Variants in ANO9 observed in about 807,000 individuals in gnomAD.
ANO9 encodes anoctamin-9.
A neutral mutation model predicts 100.5 loss-of-function variants in ANO9; 80 were observed. That is an observed-to-expected ratio of 0.80 (90% CI 0.66 to 0.96). The LOEUF is 0.96. Among genes scored for constraint, ANO9 ranks in the 40% least tolerant of loss-of-function variants. The pLI is 0.00. For missense variants in ANO9, 1,064 were observed against 1,072.7 expected, an observed-to-expected ratio of 0.99 and a Z score of 0.11; for synonymous variants, 473 against 435.6, an observed-to-expected ratio of 1.09 and a Z score of -1.07.
intron 1 of ANO9, among the ~76,000 whole-genome samples, chr11:441,343 G>A (rs1845855448): frequency 1.3e-5 from 2 of 152,146 alleles, no homozygotes; most frequent in South Asian, 4.1e-4. Flanking sequence ...CCCCAGAATC[G>A]GAATCCAGCA....
At chr11:420,287 G>C in intron 19 of ANO9, 176 bp downstream of exon 19, 1 of 1,437,178 alleles carries the variant, frequency 7.0e-7, no homozygotes, top group Non-Finnish European at 9.1e-7. Context: ...GCCCACTCCT[G>C]GTACCCTCCC....
chr11:420,676 G>C, intron 18 of ANO9, 42 bp downstream of exon 18: 1 of 1,598,536 alleles, frequency 6.3e-7, no homozygotes. Context: ...CCCCCGCCCC[G>C]CATTCGTCTC....
intron 15 of ANO9, among the ~76,000 whole-genome samples, chr11:427,199 A>G (rs1848567760): frequency 6.6e-6 from 1 of 151,974 alleles, no homozygotes. Flanking sequence ...AAAATACAAA[A>G]ATTAGCTGGG....
chr11:421,046 C>G lies in ANO9; in HGVS notation c.1393-4G>C, dbSNP rs149366587. On this transcript the variant is annotated splice_region_variant and splice_polypyrimidine_tract_variant and intron_variant, in intron 16 of 22. Transcript: ENST00000332826. The surrounding 1 kb of genome is among the most constrained non-coding windows in gnomAD (Gnocchi z 6.8). ...TCATGCAGCCGCTGGCGTGGCACTG[C>G]GGGGCCAGACAGGAGGAGATCAGGG... The G allele has an allele frequency of 9.4e-3, 15,059 of 1,599,774 alleles. 118 individuals carry two copies. The highest frequency in any genetic ancestry group is 0.027 in the Middle Eastern group (162 of 5,952).
At position 418,288 on chromosome 11, in the gene ANO9, C is replaced by T. The variant is rs1847961366; in HGVS notation, c.*83G>A. ...GGCACAGCCTTCTCACAGCACCCCT[C>T]AACACGCACAGCGGTGGGCTTGTGG... is the stretch of plus-strand genomic sequence containing the variant. On this transcript the variant is annotated 3_prime_UTR_variant, in exon 23 of 23. Coordinates refer to ENST00000332826, the MANE Select transcript of ANO9 (RefSeq NM_001012302.3). 7.3e-7 allele frequency: 1 copy of T among 1,365,568 alleles called. No individual in the cohort carries two copies. The highest frequency in any genetic ancestry group is 9.8e-7 in the Non-Finnish European group (1 of 1,017,800). The allele number at this position is 1,365,568 out of a possible 1,614,324, so 84.6% of individuals were successfully genotyped here.
intron 15 of ANO9, among the ~76,000 whole-genome samples, chr11:423,891 A>G (rs1370016977): frequency 1.4e-5 from 2 of 142,584 alleles, no homozygotes; most frequent in Non-Finnish European, 3.0e-5. Flanking sequence ...ATACTCACAC[A>G]CACACACACA....
Position 420,815 on chromosome 11 carries a change from C to G in ANO9, c.1536G>C (p.Gly512=). The change falls in exon 18 of 23, where the codon GGG becomes GGC. Residue 512 remains glycine, a synonymous_variant. Coordinates refer to ENST00000332826, the MANE Select transcript of ANO9 (RefSeq NM_001012302.3). Reference sequence around the variant, plus strand: ...TGAGCTCGGGGTCCCGGGGCAGGTGCCCGGACTCGGAGGCCCGCAGAGAGC... The same window carrying G: ...TGAGCTCGGGGTCCCGGGGCAGGTGGCCGGACTCGGAGGCCCGCAGAGAGC... The part of the protein sequence containing the change: ...KCRSLRASES[G]HLPRDPELRD... 6.3e-7 allele frequency: 1 copy of G among 1,593,056 alleles called. No homozygotes were observed. Among genetic ancestry groups the G allele is most frequent in the Non-Finnish European group, 8.5e-7 (1 of 1,173,342 alleles).
chr11:437,254 T>G (rs1845426449), intron 1 of ANO9, among the ~76,000 whole-genome samples: 2 of 152,226 alleles, frequency 1.3e-5, no homozygotes, highest in South Asian at 4.1e-4. Flanking sequence ...CACCCACAGC[T>G]GTGGGAAAAT....
In ANO9 at chr11:425,553, TAA is replaced by T. The variant is rs796310958; in HGVS notation, c.1334+2533_1334+2534del. On this transcript the variant is annotated intron_variant, in intron 15 of 22. Transcript: ENST00000332826. ...ACCATGATTATAAGAAACTGACAGT[TAA>T]AAAAAAAAAAAAGCAAGCAAGAAAG... Among the ~76,000 whole-genome samples the T allele has an allele frequency of 6.3e-3, 830 of 131,928 alleles. 5 individuals carry two copies. The highest frequency in any genetic ancestry group is 0.029 in the Middle Eastern group (8 of 272). 86.5% of individuals were successfully genotyped at this position (131,928 alleles called of 152,430 possible).
rs1848762893 is a variant in ANO9, at chr11:429,645, C to T, written c.840G>A (p.Val280=). 1.2e-6 allele frequency: 2 copies of T among 1,612,654 alleles called. No homozygotes were observed. Among genetic ancestry groups the T allele is most frequent in the Non-Finnish European group, 1.7e-6 (2 of 1,179,892 alleles). The change falls in exon 11 of 23, where the codon GTG becomes GTA. Residue 280 remains valine, a synonymous_variant. Transcript: ENST00000332826. ...GCTGCCGCTTCCAGATCTCCAGGAACACCGTGGCTGCGGCGGGGGCAAGGA... is the reference window on the plus strand; with the variant it reads ...GCTGCCGCTTCCAGATCTCCAGGAATACCGTGGCTGCGGCGGGGGCAAGGA... ...FAIFMALWAT[V]FLEIWKRQRA...
Position 430,394 on chromosome 11 carries a change from A to G in ANO9, c.549T>C (p.Phe183=). 8 of 1,563,270 alleles carry G rather than the reference A, an allele frequency of 5.1e-6. No homozygotes were observed. The highest frequency in any genetic ancestry group is 6.9e-6 in the Non-Finnish European group (8 of 1,151,464). The change falls in exon 8 of 23, where the codon TTT becomes TTC. Residue 183 remains phenylalanine, a synonymous_variant. Coordinates refer to ENST00000332826, the MANE Select transcript of ANO9 (RefSeq NM_001012302.3). ...EQPVDEIRNY[F]GEKVALYFVW... is the part of the protein sequence containing the mutation. ...CGAAGTACAGGGCCACCTTTTCCCC[A>G]AAGTAGTTCCTGCAGGCAGCAGGGG...
chr11:440,958 C>T (rs1459765502), intron 1 of ANO9, among the ~76,000 whole-genome samples: 1 of 152,258 alleles, frequency 6.6e-6, no homozygotes, highest in Admixed American at 6.5e-5. Flanking sequence ...TGCTGCTTCT[C>T]CCAACCCAAC....
rs1849069328 is a variant in ANO9 at position 432,212 on chromosome 11, C to CG, written c.351-159dup. ...CAGAGCCCAGAATCCACAACTCACC[C>CG]GGGAGCCCACCCCGCACCCTCCTTA... is the stretch of plus-strand genomic sequence containing the variant. On this transcript the variant is annotated intron_variant, in intron 4 of 22. Coordinates refer to ENST00000332826, the MANE Select transcript of ANO9 (RefSeq NM_001012302.3). This position sits in a 1 kb window ranked among gnomAD's most constrained non-coding sequence, Gnocchi z 4.8. 5.3e-6 allele frequency: 4 copies of CG among 756,692 alleles called. No homozygotes were observed. The highest frequency in any genetic ancestry group is 8.5e-6 in the Non-Finnish European group (4 of 468,502). The allele number at this position is 756,692 out of a possible 1,614,324, so 46.9% of individuals were successfully genotyped here. A position where few individuals can be genotyped will look rare whatever the true frequency, so the allele number is the denominator to read the frequency against.
At position 441,998 on chromosome 11, in the gene ANO9, C is replaced by T; in HGVS notation, c.-72G>A. 2 of 1,572,986 alleles carry T rather than the reference C, an allele frequency of 1.3e-6. No homozygotes were observed. The highest frequency in any genetic ancestry group is 1.2e-5 in the South Asian group (1 of 86,954). ...TGGCTGCCAGCGGCGGGTGCTCCTACCTGACTTCCGCGTGGGGCTCGCCCC... is the reference window on the plus strand; with the variant it reads ...TGGCTGCCAGCGGCGGGTGCTCCTATCTGACTTCCGCGTGGGGCTCGCCCC... On this transcript the variant is annotated 5_prime_UTR_variant, in exon 1 of 23. Transcript: ENST00000332826.
intron 7 of ANO9, 32 bp from the exon 8 acceptor site, chr11:430,435 AG>A: frequency 2.1e-6 from 2 of 955,836 alleles, no homozygotes; most frequent in Non-Finnish European, 2.6e-6. Flanking sequence ...GCCAGCTGTC[AG>A]GGGGCGGTGG....
In ANO9 at chr11:418,897, G is replaced by A. The variant is rs760506226; in HGVS notation, c.2027C>T (p.Thr676Ile). 4.3e-6 allele frequency: 7 copies of A among 1,613,506 alleles called. No individual in the cohort carries two copies. Among genetic ancestry groups the A allele is most frequent in the East Asian group, 2.2e-5 (1 of 44,894 alleles). ...ATGGGGAGTTCCAAACCTGCACAGA[G>A]TCACGTTTTCTGAGCCCTCAATCCC... Reference protein sequence around the residue: ...PDGIEGSENVTLCRYRDYRNP... With the variant: ...PDGIEGSENVILCRYRDYRNP... Residue 676 changes from threonine to isoleucine, a missense_variant, in exon 21 of 23, where the codon ACT (threonine) becomes ATT (isoleucine). Physicochemically the swap from Thr to Ile is moderately conservative, Grantham distance 89 (BLOSUM62 -1). Transcript: ENST00000332826.
chr11:432,226 G>A lies in ANO9; in HGVS notation c.351-172C>T, dbSNP rs1486929224. On this transcript the variant is annotated intron_variant, in intron 4 of 22. Transcript: ENST00000332826. This position sits in a 1 kb window ranked among gnomAD's most constrained non-coding sequence, Gnocchi z 4.8. Reference sequence around the variant, plus strand: ...CACAACTCACCCGGGAGCCCACCCCGCACCCTCCTTAAAGTGCTCCCAGGG... The same window carrying A: ...CACAACTCACCCGGGAGCCCACCCCACACCCTCCTTAAAGTGCTCCCAGGG... 10 of 674,914 alleles carry A rather than the reference G, an allele frequency of 1.5e-5. No homozygotes were observed. The highest frequency in any genetic ancestry group is 4.1e-4 in the Middle Eastern group (1 of 2,424). 41.8% of individuals were successfully genotyped at this position (674,914 alleles called of 1,614,324 possible).
At position 433,397 on chromosome 11, in the gene ANO9, C is replaced by T. The variant is rs1849180844; in HGVS notation, c.267G>A (p.Leu89=). Residue 89 remains leucine, a synonymous_variant, in exon 4 of 23, where the codon CTG becomes CTA. Coordinates refer to ENST00000332826, the MANE Select transcript of ANO9 (RefSeq NM_001012302.3). Reference sequence around the variant, plus strand: ...CAGGCTCCAGGAGGAGAGTGCGGTACAGGCCAAAGACACTGTTGTCAGCAC... The same window carrying T: ...CAGGCTCCAGGAGGAGAGTGCGGTATAGGCCAAAGACACTGTTGTCAGCAC... The part of the protein sequence containing the change: ...GIRADNSVFG[L]YRTLLLEPEG... The T allele has an allele frequency of 1.2e-6, 2 of 1,613,266 alleles. No individual in the cohort carries two copies. The highest frequency in any genetic ancestry group is 1.7e-6 in the Non-Finnish European group (2 of 1,179,898).
chr11:441,806 C>CA (rs1217884372), intron 1 of ANO9, 115 bp downstream of exon 1: 128 of 1,352,174 alleles, frequency 9.5e-5, no homozygotes, highest in South Asian at 2.5e-4. Flanking sequence ...GGGACCCCCC[C>CA]CACACACACA....
Sources: allele counts gnomAD v4.1 joint callset (sites outside exome capture counted in the v4.1 genomes callset), GRCh38; gene constraint gnomAD v4.1.1; non-coding constraint Gnocchi (gnomAD v3.1); transcripts MANE v1.5; gene names NCBI Gene and HGNC (gene_info 2026-07-23, HGNC 2026-07-21).